The following UGT1A7 variants were observed in gnomAD, a reference collection of about 807,000 sequenced individuals.
The protein encoded by UGT1A7 is UDP-glucuronosyltransferase 1A7.
In UGT1A7, 33 loss-of-function variants were observed where a neutral mutation model predicts 45.6. That is an observed-to-expected ratio of 0.72 (90% confidence interval 0.55 to 0.97). The LOEUF (loss-of-function observed/expected upper bound fraction) is 0.97. Ranked by LOEUF, UGT1A7 falls within the 50% of genes least tolerant of loss-of-function variation. The pLI, the probability that UGT1A7 is intolerant of heterozygous loss-of-function variation, is 0.00. For missense variants in UGT1A7, 684 were observed against 666.2 expected (o/e 1.03, Z -0.29); for synonymous variants, 274 against 250.6 (o/e 1.09, Z -0.88).
intron 1 of UGT1A7, among the ~76,000 whole-genome samples, chr2:233,756,771 G>T (rs1424521769): frequency 2.0e-5 from 3 of 152,000 alleles, no homozygotes; most frequent in Admixed American, 6.5e-5. Flanking sequence ...TGGATTCTTT[G>T]CTTTGATAAA....
chr2:233,711,133 G>C (rs1434131378), intron 1 of UGT1A7, among the ~76,000 whole-genome samples: 1 of 152,222 alleles, frequency 6.6e-6, no homozygotes, highest in Non-Finnish European at 1.5e-5. Flanking sequence ...CCTGGAAGCT[G>C]ATGCCTTGGG....
At chr2:233,760,269 T>C (rs1697378310) in intron 1 of UGT1A7, 1 of 1,612,212 alleles carries the variant, frequency 6.2e-7, no homozygotes, top group Admixed American at 1.7e-5. Flanking sequence ...GGCGAACCTC[T>C]GGCAGGAGCA....
intron 4 of UGT1A7, chr2:233,770,929 T>C (rs1212453952): frequency 6.6e-6 from 1 of 152,194 alleles, no homozygotes; most frequent in African/African-American, 2.4e-5. Context: ...CTGACATCAC[T>C]TGGCTGCCGG....
intron 1 of UGT1A7, among the ~76,000 whole-genome samples, chr2:233,748,374 A>G (rs1187650500): frequency 2.6e-5 from 4 of 151,848 alleles, no homozygotes; most frequent in African/African-American, 9.7e-5. Flanking sequence ...ATGGTTGTGC[A>G]TGTCCTTCAT....
At chr2:233,739,607 G>C (rs1198320819) in intron 1 of UGT1A7, among the ~76,000 whole-genome samples, 2 of 152,134 alleles carry the variant, frequency 1.3e-5, no homozygotes, top group Non-Finnish European at 2.9e-5. Context: ...CCTTTGTTTT[G>C]GCCAGTTTCT....
intron 1 of UGT1A7, chr2:233,748,124 G>C (rs1575688214): frequency 9.9e-6 from 16 of 1,610,630 alleles, no homozygotes; most frequent in Non-Finnish European, 1.3e-5. Flanking sequence ...AGGCAAAACA[G>C]TTTTTAAAAA....
intron 1 of UGT1A7, chr2:233,760,242 A>C: frequency 6.2e-7 from 1 of 1,607,672 alleles, no homozygotes; most frequent in Non-Finnish European, 8.5e-7. Context: ...CCATATATAT[A>C]TATATAAGTA....
At chr2:233,721,905 C>A in intron 1 of UGT1A7, 1 of 450,072 alleles carries the variant, frequency 2.2e-6, no homozygotes, top group Non-Finnish European at 4.4e-6. Context: ...CGAAATGGTG[C>A]ACACTGCTTC....
At chr2:233,744,002 G>C (rs1194406959) in intron 1 of UGT1A7, 1 of 1,192,502 alleles carries the variant, frequency 8.4e-7, no homozygotes, top group Admixed American at 2.7e-5. Flanking sequence ...AGTGCTCGGA[G>C]ACCTGGGCCG....
chr2:233,703,067 G>C (rs28899181), intron 1 of UGT1A7, among the ~76,000 whole-genome samples: 84 of 152,340 alleles, frequency 5.5e-4, no homozygotes, highest in African/African-American at 1.9e-3. Context: ...TAGTGAAGCT[G>C]TCTGGGCCTA....
In UGT1A7 at chr2:233,681,960, G is replaced by T. The variant is rs2074547389; in HGVS notation, c.23G>T (p.Gly8Val). 7 of 1,613,878 alleles carry T rather than the reference G, an allele frequency of 4.3e-6. No individual in the cohort carries two copies. In the East Asian group the frequency reaches 1.3e-4, roughly 31 times the overall value. The change falls in exon 1 of 5, where the codon GGC becomes GTC. Residue 8 changes from glycine (G) to valine (V), a missense_variant. By Grantham distance (109) the Gly-to-Val change is moderately radical. Transcript: ENST00000373426. Reference protein sequence around the residue: MARAGWTGLLPLYVCLLL... With the variant: MARAGWTVLLPLYVCLLL... The stretch of plus-strand genomic sequence containing the variant: ...CTGATGGCTCGTGCAGGGTGGACTG[G>T]CCTCCTTCCCCTATATGTGTGTCTA...
intron 1 of UGT1A7, among the ~76,000 whole-genome samples, chr2:233,724,570 G>T (rs1305921166): frequency 1.6e-5 from 2 of 128,200 alleles, no homozygotes; most frequent in Non-Finnish European, 3.3e-5. Flanking sequence ...GGGGCGGCGG[G>T]GCAGAGGCGC....
At position 233,743,406 on chromosome 2, in the gene UGT1A7, C is replaced by T. The variant is rs904424565; in HGVS notation, c.856-23628C>T. 16 of 1,310,784 alleles carry T rather than the reference C, an allele frequency of 1.2e-5. No individual in the cohort carries two copies. In the Admixed American group the frequency reaches 2.0e-4, roughly 16 times the overall value. The allele number at this position is 1,310,784 out of a possible 1,614,324, so 81.2% of individuals were successfully genotyped here. A position where few individuals can be genotyped will look rare whatever the true frequency, so the allele number is the denominator to read the frequency against. On this transcript the variant is annotated intron_variant, in intron 1 of 4. Transcript: ENST00000373426. ...AGGACATGCAGAAGGAAGAAAGGCC[C>T]CCACTTCCCAGGGAGCCAAAGGAAC...
chr2:233,710,054 G>T (rs2076107374), intron 1 of UGT1A7, among the ~76,000 whole-genome samples: 1 of 152,154 alleles, frequency 6.6e-6, no homozygotes, highest in South Asian at 2.1e-4. Flanking sequence ...TCTTTGGCTC[G>T]GCATAATGTC....
intron 1 of UGT1A7, chr2:233,743,270 C>T (rs538069492): frequency 2.1e-6 from 1 of 467,964 alleles, no homozygotes; most frequent in East Asian, 7.0e-5. Context: ...TCCTCCACTT[C>T]CACCCTTTCT....
intron 1 of UGT1A7, chr2:233,747,826 T>C: frequency 3.7e-6 from 6 of 1,613,534 alleles, no homozygotes; most frequent in Non-Finnish European, 5.1e-6. Context: ...TCAGACCACA[T>C]GACATTCCTG....
intron 1 of UGT1A7, among the ~76,000 whole-genome samples, chr2:233,748,850 A>G (rs542055799): frequency 6.6e-6 from 1 of 151,628 alleles, no homozygotes; most frequent in East Asian, 1.9e-4. Context: ...GTGAGCGTAT[A>G]AGCCCAGTTA....
At chr2:233,743,803 G>A (rs568702968) in intron 1 of UGT1A7, 1 of 1,367,298 alleles carries the variant, frequency 7.3e-7, no homozygotes, top group Admixed American at 1.9e-5. Context: ...CTTCCTCCTT[G>A]TTCTCAGGGT....
chr2:233,749,673 G>A (rs1300627499), intron 1 of UGT1A7, among the ~76,000 whole-genome samples: 14 of 151,746 alleles, frequency 9.2e-5, no homozygotes, highest in African/African-American at 1.7e-4. Context: ...TAATCCCCAC[G>A]TGTCAAGGAC....
Sources: allele counts gnomAD v4.1 joint callset (sites outside exome capture counted in the v4.1 genomes callset), GRCh38; gene constraint gnomAD v4.1.1; transcripts MANE v1.5; gene names NCBI Gene and HGNC (gene_info 2026-07-23, HGNC 2026-07-21).